Variants in DOCK3 observed in about 807,000 individuals in gnomAD.
DOCK3 encodes dedicator of cytokinesis 3.
DOCK3 carries 60 observed loss-of-function variants against 265.6 expected under a neutral mutation model. The ratio of observed to expected loss-of-function variants is 0.23; its 90% CI spans 0.18 to 0.28. DOCK3 has a LOEUF of 0.28. Among genes scored for constraint, DOCK3 ranks in the 10% least tolerant of loss-of-function variants. DOCK3 has a pLI of 1.00. For missense variants in DOCK3, 1,981 were observed against 2,594.3 expected (o/e 0.76, Z 5.14); for synonymous variants, 881 against 938.0 (o/e 0.94, Z 1.11).
chr3:51,358,352 G>A (rs2086504972), intron 46 of DOCK3, among the ~76,000 whole-genome samples: 1 of 152,162 alleles, frequency 6.6e-6, no homozygotes, highest in Admixed American at 6.5e-5. Flanking sequence ...TAGTAGACAG[G>A]TTTTCATATG....
Position 51,213,868 on chromosome 3 carries a change from G to A in DOCK3, c.1127-254G>A, listed in dbSNP as rs76492770. Among the ~76,000 whole-genome samples, 31 of 152,286 alleles carry A rather than the reference G, an allele frequency of 2.0e-4. No homozygotes were observed. The East Asian group carries it at 4.8e-3, about 24-fold the overall frequency. On this transcript the variant is annotated intron_variant, in intron 13 of 52. Transcript: ENST00000266037. ...TTGGACGCTGGGGAACAGAGGGAAA[G>A]ACAACTCAATCTCCCAGACCTCAGT...
At chr3:51,129,246 T>C (rs1017969392) in intron 9 of DOCK3, among the ~76,000 whole-genome samples, 5 of 152,236 alleles carry the variant, frequency 3.3e-5, no homozygotes, top group African/African-American at 1.2e-4. Flanking sequence ...ACTGCTGTCC[T>C]ACAGGGATGT....
chr3:51,220,709 G>GTGTGTGTATATA (rs1208536854), intron 14 of DOCK3, among the ~76,000 whole-genome samples: 13 of 132,378 alleles, frequency 9.8e-5, no homozygotes, highest in African/African-American at 3.6e-4. Context: ...GTGTGTGTGT[G>GTGTGTGTATATA]TATATATATA....
intron 9 of DOCK3, among the ~76,000 whole-genome samples, chr3:51,118,113 C>A (rs544831632): frequency 6.6e-6 from 1 of 152,190 alleles, no homozygotes; most frequent in Non-Finnish European, 1.5e-5. Context: ...AAATTTCTCT[C>A]TAAACACTGC....
At chr3:50,827,097 G>T (rs908347945) in intron 2 of DOCK3, among the ~76,000 whole-genome samples, 7 of 152,118 alleles carry the variant, frequency 4.6e-5, no homozygotes, top group African/African-American at 1.7e-4. Flanking sequence ...GATTTAACAA[G>T]CATTCAACTA....
At chr3:50,964,808 A>G (rs2076983027) in intron 5 of DOCK3, among the ~76,000 whole-genome samples, 1 of 152,120 alleles carries the variant, frequency 6.6e-6, no homozygotes, top group Non-Finnish European at 1.5e-5. Context: ...AATATACATC[A>G]TAATAAAAAA....
chr3:50,961,318 G>T (rs1331712928), intron 5 of DOCK3, among the ~76,000 whole-genome samples: 1 of 152,140 alleles, frequency 6.6e-6, no homozygotes, highest in Non-Finnish European at 1.5e-5. Flanking sequence ...TAATATCTTA[G>T]ATTGAGAGAA....
At position 51,037,038 on chromosome 3, in the gene DOCK3, C is replaced by A. The variant is rs1279362842; in HGVS notation, c.316-27410C>A. Among the ~76,000 whole-genome samples the A allele has an allele frequency of 2.6e-5, 4 of 152,138 alleles. 1 individual carries two copies. The highest frequency in any genetic ancestry group is 2.0e-4 in the Admixed American group (3 of 15,264). On this transcript the variant is annotated intron_variant, in intron 5 of 52. Coordinates refer to ENST00000266037, the MANE Select transcript of DOCK3 (RefSeq NM_004947.5). The stretch of plus-strand genomic sequence containing the variant: ...TTCCCAGTCTCAGGTATGTCTTTAT[C>A]AGCACCTTGAAAATGGACTAATACA...
chr3:50,861,007 G>A (rs1223883854), intron 3 of DOCK3, among the ~76,000 whole-genome samples: 1 of 152,182 alleles, frequency 6.6e-6, no homozygotes, highest in African/African-American at 2.4e-5. Context: ...CTGCTCTGCC[G>A]AGACTCTACG....
intron 32 of DOCK3, among the ~76,000 whole-genome samples, chr3:51,324,884 A>ACC (rs1224294723): frequency 1.6e-4 from 24 of 152,166 alleles, no homozygotes; most frequent in Admixed American, 1.6e-3. Flanking sequence ...CTGAAACTGG[A>ACC]CCCCTTCCTT....
In DOCK3 at chr3:51,090,236, A is replaced by G. The variant is rs749953998; in HGVS notation, c.598A>G (p.Thr200Ala). The G allele has an allele frequency of 3.0e-5, 47 of 1,584,044 alleles. No individual in the cohort carries two copies. Among genetic ancestry groups the G allele is most frequent in the Non-Finnish European group, 3.9e-5 (45 of 1,164,888 alleles). ...SVQQSTSQVD[T>A]MRPRHGETCR... Reference sequence around the variant, plus strand: ...TTTTTTTCTTCCTCATTAGGTAGATACAATGCGCCCACGTCATGGGGAAAC... The same window carrying G: ...TTTTTTTCTTCCTCATTAGGTAGATGCAATGCGCCCACGTCATGGGGAAAC... Residue 200 changes from threonine (T) to alanine (A), a missense_variant, in exon 9 of 53, where the codon ACA (threonine) becomes GCA (alanine). This residue lies in a region of DOCK3 where 456 missense variants were observed against 539.0 expected (regional missense o/e 0.85). Transcript: ENST00000266037.
intron 21 of DOCK3, among the ~76,000 whole-genome samples, chr3:51,245,429 C>T (rs148564006): frequency 0.018 from 2,552 of 140,698 alleles, 80 homozygotes; most frequent in African/African-American, 0.065. Flanking sequence ...CTTGCACTGT[C>T]GCCTGGGCTG....
rs372354838 is a variant in DOCK3, at chr3:51,297,393, A to T, written c.2923-12839A>T. ...TTGTGCTTCAAAGGCTACCATCAAG[A>T]TAACCCACAGAATGGGAGAGAATAT... On this transcript the variant is annotated intron_variant, in intron 27 of 52. Coordinates refer to ENST00000266037, the MANE Select transcript of DOCK3 (RefSeq NM_004947.5). Among the ~76,000 whole-genome samples, 15 of 152,322 alleles carry T rather than the reference A, an allele frequency of 9.8e-5. 1 individual carries two copies. The highest frequency in any genetic ancestry group is 3.3e-4 in the Admixed American group (5 of 15,282).
intron 5 of DOCK3, among the ~76,000 whole-genome samples, chr3:50,950,084 T>C (rs1348493963): frequency 6.6e-6 from 1 of 150,834 alleles, no homozygotes; most frequent in Non-Finnish European, 1.5e-5. Flanking sequence ...ATTACACTTT[T>C]CATTGCTGGA....
intron 49 of DOCK3, among the ~76,000 whole-genome samples, chr3:51,371,988 G>GT (rs1241928126): frequency 1.3e-5 from 2 of 152,214 alleles, no homozygotes; most frequent in South Asian, 2.1e-4. Context: ...TAAAGGTGCT[G>GT]TGTGTTTTTC....
At chr3:51,053,078 G>GAGATATATAT (rs1553745810) in intron 5 of DOCK3, among the ~76,000 whole-genome samples, 5 of 43,810 alleles carry the variant, frequency 1.1e-4, no homozygotes, top group Non-Finnish European at 1.7e-4. Context: ...AAAAGTCAAA[G>GAGATATATAT]ATATATATAT....
intron 41 of DOCK3, 79 bp downstream of exon 41, chr3:51,355,102 C>G: frequency 6.5e-7 from 1 of 1,527,954 alleles, no homozygotes; most frequent in Non-Finnish European, 8.8e-7. Flanking sequence ...GCCCCTTTAC[C>G]ACATTGCCAA....
intron 33 of DOCK3, among the ~76,000 whole-genome samples, chr3:51,331,756 G>A (rs147003657): frequency 6.6e-5 from 10 of 152,230 alleles, no homozygotes; most frequent in Non-Finnish European, 1.3e-4. Flanking sequence ...CCAGGAGTTC[G>A]AGACTATCCT....
rs1271300310 is a variant in DOCK3 at position 51,381,247 on chromosome 3, T to C, written c.5781T>C (p.Asp1927=). The C allele has an allele frequency of 1.9e-6, 3 of 1,613,630 alleles. No homozygotes were observed. Among genetic ancestry groups the C allele is most frequent in the Non-Finnish European group, 2.5e-6 (3 of 1,179,844 alleles). ...GTCAGGCCTGGAATGCTGACGAAGA[T>C]CTTGAGCCACCCTACCTCCCTGTCC... The part of the protein sequence containing the change: ...MPSQAWNADE[D]LEPPYLPVHY... The change falls in exon 53 of 53, where the codon GAT becomes GAC. Residue 1927 remains aspartate (D), a synonymous_variant. Coordinates refer to ENST00000266037, the MANE Select transcript of DOCK3 (RefSeq NM_004947.5). The surrounding 1 kb of genome is among the most constrained non-coding windows in gnomAD (Gnocchi z 5.6).
Sources: gnomAD v4.1 joint callset for allele counts (sites outside exome capture counted in the v4.1 genomes callset) on GRCh38, gnomAD v4.1.1 for gene constraint, gnomAD v4.1.1 regional missense constraint, Gnocchi (gnomAD v3.1) non-coding constraint, MANE v1.5 for transcripts, NCBI Gene and HGNC (gene_info 2026-07-23, HGNC 2026-07-21) for gene names.